Variants in PRKG1 observed in about 807,000 individuals in gnomAD.
The protein encoded by PRKG1 is protein kinase cGMP-dependent 1.
Under a neutral mutation model 88.1 loss-of-function variants are expected in PRKG1, and 35 were observed. That is an observed-to-expected ratio of 0.40 (90% CI 0.30 to 0.53). The LOEUF is 0.53. Ranked by LOEUF, PRKG1 falls within the 20% of genes least tolerant of loss-of-function variation. PRKG1 has a pLI of 0.59. For synonymous variants in PRKG1, 303 were observed against 292.5 expected (o/e 1.04, Z -0.37); for missense variants, 540 against 839.8 (o/e 0.64, Z 4.41).
intron 9 of PRKG1, among the ~76,000 whole-genome samples, chr10:52,221,701 A>G (rs1213530152): frequency 6.6e-6 from 1 of 152,216 alleles, no homozygotes; most frequent in Non-Finnish European, 1.5e-5. Context: ...CTTGTTTTAC[A>G]TACACAAACA....
chr10:51,197,752 T>G (rs1167956527), intron 2 of PRKG1, among the ~76,000 whole-genome samples: 1 of 151,748 alleles, frequency 6.6e-6, no homozygotes, highest in East Asian at 2.0e-4. Context: ...AAGGTGTGTT[T>G]TTTTTCAGAG....
chr10:51,689,945 T>C (rs1841093770), intron 3 of PRKG1, among the ~76,000 whole-genome samples: 1 of 152,198 alleles, frequency 6.6e-6, no homozygotes, highest in Non-Finnish European at 1.5e-5. Flanking sequence ...ATTCTTGCAT[T>C]TCTATAAAGA....
At chr10:51,216,966 G>A (rs577194208) in intron 2 of PRKG1, among the ~76,000 whole-genome samples, 4 of 152,064 alleles carry the variant, frequency 2.6e-5, no homozygotes, top group East Asian at 1.9e-4. Flanking sequence ...CATCTTATAA[G>A]ACAAAACATA....
At chr10:51,499,767 C>T (rs149811256) in intron 3 of PRKG1, among the ~76,000 whole-genome samples, 1 of 152,160 alleles carries the variant, frequency 6.6e-6, no homozygotes, top group Non-Finnish European at 1.5e-5. Flanking sequence ...AAAGAAATCC[C>T]GTCTCTACAA....
chr10:52,055,363 T>C (rs541639565), intron 6 of PRKG1, among the ~76,000 whole-genome samples: 43 of 152,298 alleles, frequency 2.8e-4, no homozygotes, highest in African/African-American at 9.1e-4. Flanking sequence ...TAAAGAAATA[T>C]TGATAGTAAA....
intron 4 of PRKG1, among the ~76,000 whole-genome samples, chr10:51,857,263 C>T (rs567711082): frequency 2.6e-5 from 4 of 152,268 alleles, no homozygotes; most frequent in Admixed American, 2.0e-4. Context: ...TCTAATGGAT[C>T]GCCTTATTCA....
intron 3 of PRKG1, among the ~76,000 whole-genome samples, chr10:51,709,492 C>A (rs1841690466): frequency 6.6e-6 from 1 of 152,184 alleles, no homozygotes; most frequent in Non-Finnish European, 1.5e-5. Context: ...CAATTCCATC[C>A]TGGCTCTGGG....
At chr10:51,205,898 A>C (rs1838046269) in intron 2 of PRKG1, among the ~76,000 whole-genome samples, 1 of 152,166 alleles carries the variant, frequency 6.6e-6, no homozygotes, top group Admixed American at 6.5e-5. Context: ...CTTAAGTGAG[A>C]ATTCTCTAGT....
intron 2 of PRKG1, among the ~76,000 whole-genome samples, chr10:51,177,615 A>G (rs1185903570): frequency 2.0e-5 from 3 of 152,138 alleles, no homozygotes; most frequent in African/African-American, 7.2e-5. Flanking sequence ...AGATGTTAAC[A>G]TGTCCAACCA....
intron 5 of PRKG1, chr10:51,908,449 CAG>C (rs1243782511): frequency 2.1e-4 from 32 of 152,194 alleles, no homozygotes; most frequent in African/African-American, 7.2e-4. Flanking sequence ...GCTATAAGTG[CAG>C]CCAAGTAATG....
intron 3 of PRKG1, among the ~76,000 whole-genome samples, chr10:51,725,028 C>T (rs1003681746): frequency 6.6e-6 from 1 of 151,904 alleles, no homozygotes; most frequent in Admixed American, 6.6e-5. Context: ...GTTTTAATGA[C>T]TGGAAAAAAT....
intron 1 of PRKG1, among the ~76,000 whole-genome samples, chr10:51,046,585 T>G (rs946720150): frequency 6.6e-6 from 1 of 152,244 alleles, no homozygotes; most frequent in African/African-American, 2.4e-5. Flanking sequence ...AGGCTTGAGC[T>G]GTCGCTTTTG....
At chr10:51,853,663 C>A (rs911926768) in intron 4 of PRKG1, among the ~76,000 whole-genome samples, 10 of 152,092 alleles carry the variant, frequency 6.6e-5, no homozygotes, top group South Asian at 4.1e-4. Context: ...TTTCAAAATA[C>A]TAAATAACTA....
chr10:51,940,454 A>G (rs1842882649), intron 5 of PRKG1, among the ~76,000 whole-genome samples: 1 of 151,892 alleles, frequency 6.6e-6, no homozygotes, highest in Admixed American at 6.6e-5. Context: ...TGATATGTGA[A>G]TATAGGGCTG....
At chr10:51,132,557 G>A (rs1845592435) in intron 1 of PRKG1, among the ~76,000 whole-genome samples, 1 of 151,366 alleles carries the variant, frequency 6.6e-6, no homozygotes, top group Non-Finnish European at 1.5e-5. Context: ...CTTTATTGGG[G>A]TAGCTAGAGT....
chr10:51,325,292 G>A (rs1164057056), intron 2 of PRKG1, among the ~76,000 whole-genome samples: 1 of 151,988 alleles, frequency 6.6e-6, no homozygotes, highest in African/African-American at 2.4e-5. Flanking sequence ...ACAGAGTCTC[G>A]CTCTGTCACC....
chr10:52,198,807 G>T (rs1212455498), intron 9 of PRKG1, among the ~76,000 whole-genome samples: 1 of 86,414 alleles, frequency 1.2e-5, no homozygotes, highest in African/African-American at 5.8e-5. Flanking sequence ...TTCCTTTTGG[G>T]GTGTGAGTGT....
intron 2 of PRKG1, among the ~76,000 whole-genome samples, chr10:51,257,706 C>T (rs1208964120): frequency 6.6e-6 from 1 of 151,640 alleles, no homozygotes; most frequent in Non-Finnish European, 1.5e-5. Flanking sequence ...TTTTTTCCAC[C>T]AAGTTCTGAG....
At chr10:51,798,023 C>G (rs1426325673) in intron 3 of PRKG1, among the ~76,000 whole-genome samples, 1 of 151,978 alleles carries the variant, frequency 6.6e-6, no homozygotes, top group Non-Finnish European at 1.5e-5. Context: ...TATGTATACA[C>G]CACATTTTGT....
Sources: allele counts gnomAD v4.1 joint callset (sites outside exome capture counted in the v4.1 genomes callset), GRCh38; gene constraint gnomAD v4.1.1; transcripts MANE v1.5; gene names NCBI Gene and HGNC (gene_info 2026-07-23, HGNC 2026-07-21).